Variants in KLHL3 observed in about 807,000 individuals in gnomAD.
The protein encoded by KLHL3 is kelch-like protein 3.
In KLHL3, 19 loss-of-function variants were observed where a neutral mutation model predicts 70.5. The ratio of observed to expected loss-of-function variants is 0.27; its 90% CI spans 0.19 to 0.40. The LOEUF is 0.40. Among genes scored for constraint, KLHL3 ranks in the 10% least tolerant of loss-of-function variants. The pLI, the probability that KLHL3 is intolerant of heterozygous loss-of-function variation, is 1.00. For missense variants in KLHL3, 512 were observed against 771.1 expected (o/e 0.66, Z 3.98); for synonymous variants, 258 against 290.3 (o/e 0.89, Z 1.13).
chr5:137,692,908 C>T (rs1351407051), intron 4 of KLHL3, among the ~76,000 whole-genome samples: 1 of 151,510 alleles, frequency 6.6e-6, no homozygotes, highest in Non-Finnish European at 1.5e-5. Context: ...TTTAAAACTA[C>T]TGATGTCTAG....
chr5:137,628,724 G>GACATACATACATACAT (rs1489826844), intron 12 of KLHL3: 1 of 64,370 alleles, frequency 1.6e-5, no homozygotes, highest in African/African-American at 3.8e-5. Flanking sequence ...CACACACACA[G>GACATACATACATACAT]ACAGACAGAC....
chr5:137,622,753 A>G (rs923161081), intron 14 of KLHL3, among the ~76,000 whole-genome samples: 1 of 152,228 alleles, frequency 6.6e-6, no homozygotes, highest in Non-Finnish European at 1.5e-5. Context: ...TTTTAGTCCG[A>G]GTGAACCATG....
Position 137,735,662 on chromosome 5 carries a change from C to T in KLHL3, c.-16G>A. 1 of 1,614,046 alleles carries T rather than the reference C, an allele frequency of 6.2e-7. No homozygotes were observed. Among genetic ancestry groups the T allele is most frequent in the Non-Finnish European group, 8.5e-7 (1 of 1,179,906 alleles). Reference sequence around the variant, plus strand: ...CACCCTCCATTGTGTGAGGCCCAGCCAGGGTGGTAGCTGCTGAACTGTGTA... The same window carrying T: ...CACCCTCCATTGTGTGAGGCCCAGCTAGGGTGGTAGCTGCTGAACTGTGTA... On this transcript the variant is annotated 5_prime_UTR_variant, in exon 1 of 15. Transcript: ENST00000309755.
At chr5:137,686,429 T>C (rs767171538) in intron 5 of KLHL3, among the ~76,000 whole-genome samples, 1 of 152,196 alleles carries the variant, frequency 6.6e-6, no homozygotes, top group Non-Finnish European at 1.5e-5. Flanking sequence ...GCTACTCCCA[T>C]GATAGAGAGA....
chr5:137,728,005 C>T (rs772238226), intron 1 of KLHL3, among the ~76,000 whole-genome samples: 5 of 152,150 alleles, frequency 3.3e-5, no homozygotes, highest in Admixed American at 1.3e-4. Context: ...CATCATATCA[C>T]TGTATAGTAT....
At chr5:137,678,128 C>T (rs964642642) in intron 5 of KLHL3, among the ~76,000 whole-genome samples, 23 of 152,120 alleles carry the variant, frequency 1.5e-4, no homozygotes. Flanking sequence ...ATTAGAAGGT[C>T]AGTAGATGGG....
At chr5:137,724,111 C>T (rs1239854173) in intron 1 of KLHL3, among the ~76,000 whole-genome samples, 1 of 152,212 alleles carries the variant, frequency 6.6e-6, no homozygotes, top group Non-Finnish European at 1.5e-5. Flanking sequence ...ACCATACTTG[C>T]ATCCTTCGGA....
At chr5:137,732,986 A>G (rs537907567) in intron 1 of KLHL3, among the ~76,000 whole-genome samples, 1 of 152,240 alleles carries the variant, frequency 6.6e-6, no homozygotes, top group Non-Finnish European at 1.5e-5. Context: ...CTTTCAAGGT[A>G]GAAAGTATTT....
At chr5:137,635,070 A>C (rs1001617795) in intron 11 of KLHL3, among the ~76,000 whole-genome samples, 1 of 152,222 alleles carries the variant, frequency 6.6e-6, no homozygotes, top group African/African-American at 2.4e-5. Context: ...CTTACTCAGT[A>C]GATTTTTTGG....
At chr5:137,632,004 C>T (rs1446964127) in intron 12 of KLHL3, among the ~76,000 whole-genome samples, 1 of 152,080 alleles carries the variant, frequency 6.6e-6, no homozygotes, top group Non-Finnish European at 1.5e-5. Context: ...TTAAAGAAAT[C>T]ACAGATTACA....
chr5:137,680,595 T>C (rs1580755659), intron 5 of KLHL3, among the ~76,000 whole-genome samples: 1 of 150,282 alleles, frequency 6.7e-6, no homozygotes, highest in African/African-American at 2.5e-5. Flanking sequence ...CAGGGTGGAG[T>C]GCAATGGCGC....
chr5:137,654,373 G>C (rs985527086), intron 8 of KLHL3, among the ~76,000 whole-genome samples: 1 of 152,140 alleles, frequency 6.6e-6, no homozygotes. Flanking sequence ...GAGACAGACC[G>C]AACCCCAGCT....
intron 12 of KLHL3, among the ~76,000 whole-genome samples, chr5:137,632,433 G>T (rs1430300511): frequency 6.6e-6 from 1 of 152,082 alleles, no homozygotes; most frequent in African/African-American, 2.4e-5. Flanking sequence ...TCAATAAATG[G>T]TGTTGTATGT....
At chr5:137,724,566 A>G (rs1292870324) in intron 1 of KLHL3, among the ~76,000 whole-genome samples, 2 of 152,228 alleles carry the variant, frequency 1.3e-5, no homozygotes, top group Non-Finnish European at 2.9e-5. Flanking sequence ...TAAAAGAGCA[A>G]GTGACTTGCT....
Position 137,621,807 on chromosome 5 carries a change from A to G in KLHL3, c.*291T>C. 2.0e-6 allele frequency: 1 copy of G among 494,354 alleles called. No homozygotes were observed. The highest frequency in any genetic ancestry group is 3.2e-5 in the East Asian group (1 of 30,772). 30.6% of individuals were successfully genotyped at this position (494,354 alleles called of 1,614,324 possible). ...ACACACACACACACACACACACTCCAGGGTCTGTATTGTCCCTGTAGAAAC... is the reference window on the plus strand; with the variant it reads ...ACACACACACACACACACACACTCCGGGGTCTGTATTGTCCCTGTAGAAAC... On this transcript the variant is annotated 3_prime_UTR_variant, in exon 15 of 15. Transcript: ENST00000309755.
intron 6 of KLHL3, among the ~76,000 whole-genome samples, chr5:137,677,094 T>A (rs1751902084): frequency 6.6e-6 from 1 of 152,132 alleles, no homozygotes; most frequent in Non-Finnish European, 1.5e-5. Context: ...AGAAAGCCTT[T>A]TTATAATTTT....
chr5:137,717,598 T>C (rs550187899), intron 2 of KLHL3, among the ~76,000 whole-genome samples: 2 of 152,374 alleles, frequency 1.3e-5, no homozygotes, highest in Admixed American at 6.5e-5. Flanking sequence ...TAGAGACTTT[T>C]ATTGTGCCAC....
At chr5:137,711,698 T>C (rs1333434133) in intron 2 of KLHL3, among the ~76,000 whole-genome samples, 1 of 152,164 alleles carries the variant, frequency 6.6e-6, no homozygotes, top group African/African-American at 2.4e-5. Context: ...GCAAATAAGC[T>C]CACCCCATTT....
intron 12 of KLHL3, chr5:137,628,657 C>A: frequency 2.3e-6 from 1 of 428,066 alleles, no homozygotes; most frequent in Non-Finnish European, 4.1e-6. Context: ...AAATATAATG[C>A]AAATGTGACC....
Sources: allele counts gnomAD v4.1 joint callset (sites outside exome capture counted in the v4.1 genomes callset), GRCh38; gene constraint gnomAD v4.1.1; transcripts MANE v1.5; gene names NCBI Gene and HGNC (gene_info 2026-07-23, HGNC 2026-07-21).